GTF2A1L: variants seen among roughly 807,000 people sequenced by gnomAD.
GTF2A1L encodes TFIIA-alpha and beta-like factor.
GTF2A1L carries 48 observed loss-of-function variants against 49.7 expected under a neutral mutation model. The observed-to-expected ratio is 0.97, with a 90% CI of 0.77 to 1.23. GTF2A1L has a LOEUF of 1.23. Ranked by LOEUF, GTF2A1L falls within the 50% of genes most tolerant of loss-of-function variation. The pLI is 0.00. For synonymous variants in GTF2A1L, 246 were observed against 193.5 expected (o/e 1.27, Z -2.25); for missense variants, 736 against 564.8 (o/e 1.30, Z -3.07).
At chr2:48,621,092 A>G (rs1027057256) in intron 2 of GTF2A1L, 75 bp from the exon 3 acceptor site, 15 of 1,530,814 alleles carry the variant, frequency 9.8e-6, no homozygotes, top group South Asian at 3.9e-5. Context: ...AGTTTTTAAG[A>G]AACTGAAAAA....
chr2:48,643,150 C>T (rs1444229088), intron 4 of GTF2A1L, among the ~76,000 whole-genome samples: 4 of 152,030 alleles, frequency 2.6e-5, no homozygotes, highest in African/African-American at 9.7e-5. Flanking sequence ...GGAGCAACAT[C>T]ATAGTTTTGA....
rs538119376 is a variant in GTF2A1L, at chr2:48,672,819, A to G, written c.1329+1139A>G. Among the ~76,000 whole-genome samples the G allele has an allele frequency of 2.4e-3, 362 of 152,344 alleles. 3 individuals carry two copies. Among genetic ancestry groups the G allele is most frequent in the Non-Finnish European group, 4.2e-3 (284 of 68,028 alleles). Reference sequence around the variant, plus strand: ...ACAATTCGCCTATTTAAAGTATACAATTCAATGGTTTATTTAGTGTATTCA... The same window carrying G: ...ACAATTCGCCTATTTAAAGTATACAGTTCAATGGTTTATTTAGTGTATTCA... On this transcript the variant is annotated intron_variant, in intron 8 of 8. Transcript: ENST00000403751.
At chr2:48,652,244 A>G (rs1309435237) in intron 6 of GTF2A1L, among the ~76,000 whole-genome samples, 1 of 152,170 alleles carries the variant, frequency 6.6e-6, no homozygotes, top group Non-Finnish European at 1.5e-5. Context: ...CTTGTCTGGC[A>G]AGGTAACATA....
In GTF2A1L at chr2:48,646,952, T is replaced by G; in HGVS notation, c.888T>G (p.Leu296=). The change falls in exon 6 of 9, where the codon CTT becomes CTG. Residue 296 remains leucine (L), a synonymous_variant. Transcript: ENST00000403751. Reference sequence around the variant, plus strand: ...ACCAGCACGTGACTGATATTCAGCTTCATATTCTTAAAAATAGGATGTATG... The same window carrying G: ...ACCAGCACGTGACTGATATTCAGCTGCATATTCTTAAAAATAGGATGTATG... ...ALHQHVTDIQ[L]HILKNRMYGC... is the part of the protein sequence containing the mutation. The G allele has an allele frequency of 6.2e-7, 1 of 1,614,194 alleles. No homozygotes were observed. Among genetic ancestry groups the G allele is most frequent in the Non-Finnish European group, 8.5e-7 (1 of 1,180,034 alleles).
intron 8 of GTF2A1L, among the ~76,000 whole-genome samples, chr2:48,677,336 A>AG (rs1416726595): frequency 2.0e-5 from 3 of 151,784 alleles, no homozygotes; most frequent in African/African-American, 7.2e-5. Flanking sequence ...TGGAGTGTCT[A>AG]GGGGGGCCTT....
intron 1 of GTF2A1L, among the ~76,000 whole-genome samples, chr2:48,620,441 C>A (rs754891553): frequency 6.6e-6 from 1 of 152,172 alleles, no homozygotes; most frequent in South Asian, 2.1e-4. Flanking sequence ...AGAAGGTATG[C>A]ACTGCATATC....
At chr2:48,663,329 G>A (rs961835458) in intron 6 of GTF2A1L, among the ~76,000 whole-genome samples, 7 of 152,112 alleles carry the variant, frequency 4.6e-5, no homozygotes, top group Middle Eastern at 3.4e-3. Flanking sequence ...CCAGCTTCTC[G>A]GGAGGATGAG....
In GTF2A1L at chr2:48,646,742, A is replaced by C. The variant is rs1165270149; in HGVS notation, c.678A>C (p.Lys226Asn). Residue 226 changes from lysine (K) to asparagine (N), a missense_variant, in exon 6 of 9, where the codon AAA becomes AAC. By Grantham distance (94) the Lys-to-Asn change is moderately conservative. Coordinates refer to ENST00000403751, the MANE Select transcript of GTF2A1L (RefSeq NM_006872.5). ...DILVSPGNEH[K>N]IVPEALLCHQ... The stretch of plus-strand genomic sequence containing the variant: ...TTGTATCTCCTGGAAATGAGCATAA[A>C]ATCGTGCCTGAAGCTTTGTTGTGTC... The C allele has an allele frequency of 2.5e-6, 4 of 1,614,224 alleles. No individual in the cohort carries two copies. The South Asian group carries it at 4.4e-5, about 18-fold the overall frequency.
At chr2:48,652,120 T>A (rs1171910876) in intron 6 of GTF2A1L, among the ~76,000 whole-genome samples, 2 of 152,176 alleles carry the variant, frequency 1.3e-5, no homozygotes, top group Non-Finnish European at 2.9e-5. Context: ...ATTTGTAATT[T>A]TAATCCTCTC....
chr2:48,644,635 A>G (rs1677389096), intron 4 of GTF2A1L, among the ~76,000 whole-genome samples: 1 of 152,210 alleles, frequency 6.6e-6, no homozygotes, highest in Admixed American at 6.5e-5. Context: ...GGGTTGTACC[A>G]ATATACATTC....
At chr2:48,674,981 A>G (rs1329304191) in intron 8 of GTF2A1L, among the ~76,000 whole-genome samples, 1 of 152,162 alleles carries the variant, frequency 6.6e-6, no homozygotes, top group Non-Finnish European at 1.5e-5. Context: ...TGTAGTCAGA[A>G]GATAGCCAAA....
chr2:48,647,151 G>GT, intron 6 of GTF2A1L, 109 bp downstream of exon 6: 1 of 1,059,240 alleles, frequency 9.4e-7, no homozygotes, highest in Non-Finnish European at 1.3e-6. Flanking sequence ...TATATATTTT[G>GT]TTTTTTTCTT....
At chr2:48,671,107 C>T (rs149548312) in intron 7 of GTF2A1L, among the ~76,000 whole-genome samples, 96 of 152,186 alleles carry the variant, frequency 6.3e-4, no homozygotes, top group African/African-American at 2.3e-3. Context: ...CAAGCATGAA[C>T]CACTGCACCC....
intron 3 of GTF2A1L, among the ~76,000 whole-genome samples, chr2:48,636,493 T>G (rs1196413675): frequency 6.6e-6 from 1 of 152,244 alleles, no homozygotes; most frequent in Non-Finnish European, 1.5e-5. Context: ...CAAGGTTTGG[T>G]GCTACTAACT....
intron 6 of GTF2A1L, among the ~76,000 whole-genome samples, chr2:48,657,799 G>C (rs1678266213): frequency 1.3e-5 from 2 of 150,738 alleles, no homozygotes; most frequent in South Asian, 2.1e-4. Flanking sequence ...TATCCATTCT[G>C]ACTTGTGTGA....
At chr2:48,646,118 C>T (rs12987384) in intron 5 of GTF2A1L, among the ~76,000 whole-genome samples, 26,126 of 151,796 alleles carry the variant, frequency 0.17, 2,595 homozygotes, top group South Asian at 0.25. Context: ...AGTTTTTTGG[C>T]TGATAACATT....
At chr2:48,668,468 A>T (rs542174767) in intron 6 of GTF2A1L, 5 of 152,158 alleles carry the variant, frequency 3.3e-5, no homozygotes, top group Non-Finnish European at 7.3e-5. Flanking sequence ...TTGACATTTT[A>T]TTGATCTTTG....
chr2:48,674,670 A>C (rs1679371054), intron 8 of GTF2A1L, among the ~76,000 whole-genome samples: 2 of 152,146 alleles, frequency 1.3e-5, no homozygotes, highest in African/African-American at 4.8e-5. Context: ...ACATTCCATA[A>C]AGTCTCATGC....
intron 6 of GTF2A1L, among the ~76,000 whole-genome samples, chr2:48,651,826 A>G (rs1461247398): frequency 6.6e-6 from 1 of 152,156 alleles, no homozygotes; most frequent in African/African-American, 2.4e-5. Flanking sequence ...ACTATTTTTG[A>G]GAGGGAGCAA....
Sources: allele counts gnomAD v4.1 joint callset (sites outside exome capture counted in the v4.1 genomes callset), GRCh38; gene constraint gnomAD v4.1.1; transcripts MANE v1.5; gene names NCBI Gene and HGNC (gene_info 2026-07-23, HGNC 2026-07-21).